FBXO31: variants seen among roughly 807,000 people sequenced by gnomAD.
FBXO31 encodes the protein F-box only protein 31.
FBXO31 carries 24 observed loss-of-function variants against 54.4 expected under a neutral mutation model. The ratio of observed to expected loss-of-function variants is 0.44; its 90% CI spans 0.32 to 0.62. FBXO31 has a LOEUF of 0.62. Ranked by LOEUF, FBXO31 falls within the 20% of genes least tolerant of loss-of-function variation. The pLI is 0.05. For missense variants in FBXO31, 665 were observed against 787.1 expected (o/e 0.84, Z 1.86); for synonymous variants, 388 against 335.6 (o/e 1.16, Z -1.71).
intron 2 of FBXO31, among the ~76,000 whole-genome samples, chr16:87,354,229 T>C (rs545767284): frequency 2.0e-5 from 3 of 152,258 alleles, no homozygotes; most frequent in Admixed American, 2.0e-4. Context: ...TCCCAACACT[T>C]TGGGAAGCTG....
intron 8 of FBXO31, among the ~76,000 whole-genome samples, chr16:87,331,723 G>A (rs1904867546): frequency 6.6e-6 from 1 of 152,210 alleles, no homozygotes; most frequent in Non-Finnish European, 1.5e-5. Context: ...GGCGCAGGCC[G>A]AGCCCACCTG....
intron 1 of FBXO31, among the ~76,000 whole-genome samples, chr16:87,373,360 G>A (rs1464434734): frequency 6.6e-6 from 1 of 152,104 alleles, no homozygotes; most frequent in East Asian, 1.9e-4. Flanking sequence ...GCTGAGGCAG[G>A]AGAATGGCGT....
rs1039615820 is a variant in FBXO31, at chr16:87,335,209, GC to G, written c.996+94del. On this transcript the variant is annotated intron_variant, in intron 7 of 8. Coordinates refer to ENST00000311635, the MANE Select transcript of FBXO31 (RefSeq NM_024735.5). This position sits in a 1 kb window ranked among gnomAD's most constrained non-coding sequence, Gnocchi z 5.7. ...CAAGCCCACTCTGAGGAGCAAGGGT[GC>G]CGGGGATCAGTGTCTGCCCAAGTTC... is the stretch of plus-strand genomic sequence containing the variant. The G allele has an allele frequency of 6.4e-7, 1 of 1,553,770 alleles. No individual in the cohort carries two copies. The highest frequency in any genetic ancestry group is 1.4e-5 in the African/African-American group (1 of 74,026).
rs770053026 is a variant in FBXO31 at position 87,330,917 on chromosome 16, C to T, written c.*371G>A. On this transcript the variant is annotated 3_prime_UTR_variant, in exon 9 of 9. Coordinates refer to ENST00000311635, the MANE Select transcript of FBXO31 (RefSeq NM_024735.5). ...ACGACCCAGTCTATCACTCTATCCG[C>T]TCACAGGAAGAGCACCAGTCAGGAG... 11 of 261,530 alleles carry T rather than the reference C, an allele frequency of 4.2e-5. No homozygotes were observed. Among genetic ancestry groups the T allele is most frequent in the Non-Finnish European group, 7.6e-5 (10 of 131,966 alleles). The allele number at this position is 261,530 out of a possible 1,614,324, so 16.2% of individuals were successfully genotyped here.
chr16:87,349,256 A>C (rs1905532261), intron 2 of FBXO31, among the ~76,000 whole-genome samples: 1 of 152,258 alleles, frequency 6.6e-6, no homozygotes, highest in Non-Finnish European at 1.5e-5. Flanking sequence ...GTGCTATGAA[A>C]ATGAACTATT....
At chr16:87,371,315 C>G (rs1300641502) in intron 1 of FBXO31, among the ~76,000 whole-genome samples, 1 of 152,230 alleles carries the variant, frequency 6.6e-6, no homozygotes, top group Non-Finnish European at 1.5e-5. Context: ...CGCCCCTCCT[C>G]TGGCACCCAC....
Position 87,383,618 on chromosome 16 carries a change from G to C in FBXO31, c.127C>G (p.Arg43Gly). ...CCGACCCCGGCGCTAGCCTCGATGC[G>C]CTCCTCCTCGGGGTCTGTGTCCGGC... ...SEPDTDPEEE[R>G]IEASAGVGGG... Residue 43 changes from arginine (R) to glycine (G), a missense_variant, in exon 1 of 9, where the codon CGC becomes GGC. This residue lies in a region of FBXO31 where 195 missense variants were observed against 174.8 expected (regional missense o/e 1.12). Transcript: ENST00000311635. This position sits in a 1 kb window ranked among gnomAD's most constrained non-coding sequence, Gnocchi z 4.9. The C allele has an allele frequency of 2.7e-6, 4 of 1,460,548 alleles. No homozygotes were observed. The highest frequency in any genetic ancestry group is 3.6e-6 in the Non-Finnish European group (4 of 1,112,314). 90.5% of individuals were successfully genotyped at this position (1,460,548 alleles called of 1,614,324 possible).
In FBXO31 at chr16:87,380,976, G is replaced by A. The variant is rs150156996; in HGVS notation, c.340+2429C>T. Among the ~76,000 whole-genome samples the A allele has an allele frequency of 6.2e-3, 939 of 152,094 alleles. 7 individuals are homozygous for A. Among genetic ancestry groups the A allele is most frequent in the South Asian group, 9.6e-3 (46 of 4,814 alleles). ...CTCTGCTGAGCCATATATACCTTAC[G>A]GTTTCCCAAACAAACCCCCCAGAGG... On this transcript the variant is annotated intron_variant, in intron 1 of 8. Transcript: ENST00000311635.
intron 1 of FBXO31, among the ~76,000 whole-genome samples, chr16:87,363,001 ATGAAGCAGCCCAAGGGCCGCTC>A (rs1906202286): frequency 6.6e-6 from 1 of 152,234 alleles, no homozygotes; most frequent in Non-Finnish European, 1.5e-5. Context: ...GACATGCAGC[ATGAAGCAGCCCAAGGGCCGCTC>A]TGACAACCAT....
chr16:87,352,872 G>A (rs969604606), intron 2 of FBXO31, among the ~76,000 whole-genome samples: 7 of 152,322 alleles, frequency 4.6e-5, no homozygotes, highest in South Asian at 2.1e-4. Context: ...TTCCAGCACC[G>A]GCCCAGGCGC....
chr16:87,385,706 G>A (rs1907305541), upstream of FBXO31, among the ~76,000 whole-genome samples: 2 of 151,880 alleles, frequency 1.3e-5, no homozygotes, highest in Admixed American at 1.3e-4. Context: ...ATGGGAGAAT[G>A]TTCTAGAAAA....
upstream of FBXO31, among the ~76,000 whole-genome samples, chr16:87,384,354 A>C (rs1341835815): frequency 6.6e-6 from 1 of 152,070 alleles, no homozygotes. Flanking sequence ...CTCTGCAGGG[A>C]CCTTCGGGGA....
Position 87,333,904 on chromosome 16 carries a change from G to A in FBXO31, c.1379C>T (p.Pro460Leu). Residue 460 changes from proline (P) to leucine (L), a missense_variant, in exon 8 of 9, where the codon CCC becomes CTC. Coordinates refer to ENST00000311635, the MANE Select transcript of FBXO31 (RefSeq NM_024735.5). ...TCCTTACCACATCCTGCAGGTTCGG[G>A]GGTAGTCCTCATTCCTGGAGCTCAC... Reference protein sequence around the residue: ...VGVSSRNEDYPRTCRMCFYGT... With the variant: ...VGVSSRNEDYLRTCRMCFYGT... 1.9e-6 allele frequency: 3 copies of A among 1,607,422 alleles called. No individual in the cohort carries two copies. The highest frequency in any genetic ancestry group is 2.6e-6 in the Non-Finnish European group (3 of 1,176,334).
In FBXO31 at chr16:87,377,370, G is replaced by A. The variant is rs181127865; in HGVS notation, c.340+6035C>T. Among the ~76,000 whole-genome samples, 62 of 151,252 alleles carry A rather than the reference G, an allele frequency of 4.1e-4. 1 individual carries two copies. The highest frequency in any genetic ancestry group is 7.9e-4 in the Admixed American group (12 of 15,200). On this transcript the variant is annotated intron_variant, in intron 1 of 8. Transcript: ENST00000311635. ...CTGAGGTGGGAGGATCATTTACGCCGGAGAAGTCAAGGCCACAGTGAGCCA... is the reference window on the plus strand; with the variant it reads ...CTGAGGTGGGAGGATCATTTACGCCAGAGAAGTCAAGGCCACAGTGAGCCA...
chr16:87,354,495 T>C (rs772710545), intron 2 of FBXO31, among the ~76,000 whole-genome samples: 3 of 151,230 alleles, frequency 2.0e-5, no homozygotes, highest in Admixed American at 6.6e-5. Context: ...AAAATGCACT[T>C]TGACTGGCTT....
chr16:87,346,763 G>T lies in FBXO31; in HGVS notation c.489+411C>A, dbSNP rs1413833505. ...GGGGGCGGGAGGCAGGGTGGTCAGA[G>T]CGGGTCCACAGCAGAACCCAAGGAA... is the stretch of plus-strand genomic sequence containing the variant. On this transcript the variant is annotated intron_variant, in intron 3 of 8. Coordinates refer to ENST00000311635, the MANE Select transcript of FBXO31 (RefSeq NM_024735.5). The surrounding 1 kb of genome is among the most constrained non-coding windows in gnomAD (Gnocchi z 4.2). Among the ~76,000 whole-genome samples, 1 of 152,200 alleles carries T rather than the reference G, an allele frequency of 6.6e-6. No homozygotes were observed. The highest frequency in any genetic ancestry group is 1.5e-5 in the Non-Finnish European group (1 of 68,036).
At chr16:87,370,033 T>C (rs935851223) in intron 1 of FBXO31, among the ~76,000 whole-genome samples, 1 of 152,166 alleles carries the variant, frequency 6.6e-6, no homozygotes, top group Non-Finnish European at 1.5e-5. Context: ...ACAGAGCTCA[T>C]TGCTGAGTGG....
intron 1 of FBXO31, among the ~76,000 whole-genome samples, chr16:87,366,186 C>A (rs1040676732): frequency 3.3e-5 from 5 of 152,064 alleles, no homozygotes; most frequent in African/African-American, 1.2e-4. Context: ...GTGAAAACTG[C>A]GGAAATCTGA....
rs1237133672 is a variant in FBXO31 at position 87,358,518 on chromosome 16, A to G, written c.412+1777T>C. 6.5e-6 allele frequency: 1 copy of G among 152,708 alleles called. No homozygotes were observed. 9.5% of individuals were successfully genotyped at this position (152,708 alleles called of 1,614,324 possible). On this transcript the variant is annotated intron_variant, in intron 2 of 8. Coordinates refer to ENST00000311635, the MANE Select transcript of FBXO31 (RefSeq NM_024735.5). The surrounding 1 kb of genome is among the most constrained non-coding windows in gnomAD (Gnocchi z 4.0). ...TATACCTGAACAGACACAGCAGGGAAAGGGCTAAGGATGGCTCCCTTTACA... is the reference window on the plus strand; with the variant it reads ...TATACCTGAACAGACACAGCAGGGAGAGGGCTAAGGATGGCTCCCTTTACA...
Sources: allele counts gnomAD v4.1 joint callset (sites outside exome capture counted in the v4.1 genomes callset), GRCh38; gene constraint gnomAD v4.1.1; regional missense constraint gnomAD v4.1.1; non-coding constraint Gnocchi (gnomAD v3.1); transcripts MANE v1.5; gene names NCBI Gene and HGNC (gene_info 2026-07-23, HGNC 2026-07-21).